SNTB1: variants seen among roughly 807,000 people sequenced by gnomAD.
SNTB1 encodes beta-1-syntrophin.
Under a neutral mutation model 48.9 loss-of-function variants are expected in SNTB1, and 36 were observed. The observed-to-expected ratio is 0.74, with a 90% CI of 0.56 to 0.97. The LOEUF (loss-of-function observed/expected upper bound fraction) is 0.97. Ranked by LOEUF, SNTB1 falls within the 50% of genes least tolerant of loss-of-function variation. The probability of loss-of-function intolerance (pLI) is 0.00; values close to 1 mark genes in which losing one functional copy is unlikely to be tolerated. For synonymous variants in SNTB1, 299 were observed against 294.6 expected, an observed-to-expected ratio of 1.01 and a Z score of -0.15; for missense variants, 786 against 703.4, an observed-to-expected ratio of 1.12 and a Z score of -1.33.
chr8:120,629,345 T>C (rs1180411241), intron 3 of SNTB1, among the ~76,000 whole-genome samples: 1 of 152,238 alleles, frequency 6.6e-6, no homozygotes. Flanking sequence ...ATTGTTTGAG[T>C]TCATATAAAT....
chr8:120,627,975 A>G (rs1816912049), intron 3 of SNTB1, among the ~76,000 whole-genome samples: 2 of 152,234 alleles, frequency 1.3e-5, no homozygotes, highest in Admixed American at 1.3e-4. Flanking sequence ...TATTGCTCAC[A>G]ATAAGTATGA....
chr8:120,696,419 A>G (rs1284227637), intron 1 of SNTB1, among the ~76,000 whole-genome samples: 3 of 152,208 alleles, frequency 2.0e-5, no homozygotes, highest in Non-Finnish European at 4.4e-5. Flanking sequence ...TCAATTTGGA[A>G]GAAGGATAGA....
intron 4 of SNTB1, among the ~76,000 whole-genome samples, chr8:120,564,564 G>GGTT (rs761971388): frequency 1.2e-5 from 1 of 84,214 alleles, no homozygotes; most frequent in East Asian, 3.8e-4. Flanking sequence ...TATTATTCTG[G>GGTT]TTTTTTTTTT....
chr8:120,622,793 T>C (rs1333104940), intron 3 of SNTB1, among the ~76,000 whole-genome samples: 1 of 152,226 alleles, frequency 6.6e-6, no homozygotes, highest in East Asian at 1.9e-4. Flanking sequence ...CCAGTGATTA[T>C]AGTAGATATT....
At chr8:120,571,224 T>C in intron 4 of SNTB1, 1 of 1,268,046 alleles carries the variant, frequency 7.9e-7, no homozygotes, top group Non-Finnish European at 1.0e-6. Context: ...ATTTCAACTT[T>C]TGTTTCTGAG....
chr8:120,551,317 A>G (rs1289833253), intron 4 of SNTB1, among the ~76,000 whole-genome samples: 1 of 151,494 alleles, frequency 6.6e-6, no homozygotes, highest in East Asian at 1.9e-4. Flanking sequence ...AATGGTGAGC[A>G]CTCTGTACTC....
At chr8:120,751,180 T>TA (rs1301657095) in intron 1 of SNTB1, among the ~76,000 whole-genome samples, 1 of 152,044 alleles carries the variant, frequency 6.6e-6, no homozygotes, top group Non-Finnish European at 1.5e-5. Flanking sequence ...GTGAGGACGC[T>TA]AAGTTATCTC....
At chr8:120,676,708 G>A (rs1465309618) in intron 2 of SNTB1, among the ~76,000 whole-genome samples, 1 of 152,104 alleles carries the variant, frequency 6.6e-6, no homozygotes, top group African/African-American at 2.4e-5. Context: ...GAAATAGCTG[G>A]ATAACTAGGA....
At chr8:120,727,938 G>A (rs1001430948) in intron 1 of SNTB1, among the ~76,000 whole-genome samples, 2 of 152,126 alleles carry the variant, frequency 1.3e-5, no homozygotes, top group African/African-American at 4.8e-5. Context: ...ACTGTGGTAC[G>A]GTATTACTAT....
intron 2 of SNTB1, chr8:120,654,960 G>A (rs777550624): frequency 2.9e-5 from 13 of 455,938 alleles, no homozygotes; most frequent in Non-Finnish European, 3.5e-5. Flanking sequence ...CAGCAACTTC[G>A]GGGAATCCAG....
At chr8:120,782,644 C>T (rs185651306) in intron 1 of SNTB1, among the ~76,000 whole-genome samples, 9 of 152,068 alleles carry the variant, frequency 5.9e-5, no homozygotes, top group Non-Finnish European at 1.0e-4. Flanking sequence ...ATAGTATAAA[C>T]GTAACAAATG....
intron 3 of SNTB1, among the ~76,000 whole-genome samples, chr8:120,598,058 G>A (rs1419937349): frequency 1.3e-5 from 2 of 152,104 alleles, no homozygotes; most frequent in African/African-American, 2.4e-5. Flanking sequence ...TGCTTTGCTG[G>A]CGCTTATTCT....
At chr8:120,749,587 T>A (rs1819178979) in intron 1 of SNTB1, among the ~76,000 whole-genome samples, 1 of 152,158 alleles carries the variant, frequency 6.6e-6, no homozygotes, top group African/African-American at 2.4e-5. Context: ...AGAGGCCCTC[T>A]CTTGTGGTTG....
chr8:120,632,861 T>A (rs1587047622), intron 2 of SNTB1, among the ~76,000 whole-genome samples: 1 of 152,210 alleles, frequency 6.6e-6, no homozygotes, highest in African/African-American at 2.4e-5. Context: ...GTCTACATAT[T>A]GGGAACACAG....
Position 120,725,089 on chromosome 8 carries a change from A to T in SNTB1, c.572-31181T>A, listed in dbSNP as rs118190488. 3.9e-4 allele frequency among the ~76,000 whole-genome samples: 60 copies of T among 152,294 alleles called. 1 individual carries two copies. The East Asian group carries it at 0.01, about 26-fold the overall frequency. On this transcript the variant is annotated intron_variant, in intron 1 of 6. Transcript: ENST00000517992. The stretch of plus-strand genomic sequence containing the variant: ...CTCCTCTGCTTCAGAACTTTCTGCA[A>T]AACTGCAGAACCCACTTGGCCAAGT...
At chr8:120,587,973 A>G (rs1002869612) in intron 3 of SNTB1, among the ~76,000 whole-genome samples, 16 of 152,228 alleles carry the variant, frequency 1.1e-4, no homozygotes, top group African/African-American at 3.6e-4. Flanking sequence ...GATGCCCTTT[A>G]AAGGGATGCT....
In SNTB1 at chr8:120,811,982, C is replaced by T. The variant is rs1165662647; in HGVS notation, c.-139G>A. The stretch of plus-strand genomic sequence containing the variant: ...AGGTGGCGGCACGCGGGACTCCGCT[C>T]CGGGAGTTCGCAGACGCACTCGGCG... On this transcript the variant is annotated 5_prime_UTR_variant, in exon 1 of 7. Coordinates refer to ENST00000517992, the MANE Select transcript of SNTB1 (RefSeq NM_021021.4). 4.5e-5 allele frequency: 57 copies of T among 1,271,194 alleles called. No homozygotes were observed. Among genetic ancestry groups the T allele is most frequent in the Non-Finnish European group, 5.6e-5 (57 of 1,014,116 alleles). The allele number at this position is 1,271,194 out of a possible 1,614,324, so 78.7% of individuals were successfully genotyped here. A position where few individuals can be genotyped will look rare whatever the true frequency, so the allele number is the denominator to read the frequency against.
intron 1 of SNTB1, among the ~76,000 whole-genome samples, chr8:120,806,454 T>A (rs1434669723): frequency 6.6e-6 from 1 of 152,274 alleles, no homozygotes; most frequent in African/African-American, 2.4e-5. Flanking sequence ...CATGCATTTA[T>A]CTATTGAAAC....
chr8:120,758,527 A>G (rs1048635417), intron 1 of SNTB1, among the ~76,000 whole-genome samples: 9 of 152,202 alleles, frequency 5.9e-5, no homozygotes, highest in Admixed American at 2.6e-4. Flanking sequence ...TATTTGCTTC[A>G]CTATTTCTCC....
Sources: allele counts gnomAD v4.1 joint callset (sites outside exome capture counted in the v4.1 genomes callset), GRCh38; gene constraint gnomAD v4.1.1; transcripts MANE v1.5; gene names NCBI Gene and HGNC (gene_info 2026-07-23, HGNC 2026-07-21).